Variants in DLC1 observed in about 807,000 individuals in gnomAD.
DLC1 encodes rho GTPase-activating protein 7.
DLC1 carries 54 observed loss-of-function variants against 140.3 expected under a neutral mutation model. The observed-to-expected ratio is 0.38, with a 90% CI of 0.31 to 0.48. The LOEUF (loss-of-function observed/expected upper bound fraction) is 0.48, where lower values mean the gene tolerates loss of function less well. Ranked by LOEUF, DLC1 falls within the 20% of genes least tolerant of loss-of-function variation. The pLI, the probability that DLC1 is intolerant of heterozygous loss-of-function variation, is 0.96. For missense variants in DLC1, 2,536 were observed against 1,907.0 expected, an observed-to-expected ratio of 1.33 and a Z score of -6.14; for synonymous variants, 986 against 728.1, an observed-to-expected ratio of 1.35 and a Z score of -5.70.
intron 1 of DLC1, among the ~76,000 whole-genome samples, chr8:13,553,089 G>A (rs1803918070): frequency 6.6e-6 from 1 of 150,534 alleles, no homozygotes; most frequent in African/African-American, 2.4e-5. Flanking sequence ...AACACACAGA[G>A]ACTGCAAACA....
intron 2 of DLC1, among the ~76,000 whole-genome samples, chr8:13,418,075 T>C (rs950296272): frequency 7.9e-5 from 12 of 152,200 alleles, no homozygotes; most frequent in African/African-American, 2.4e-4. Context: ...GTTTTTTTCT[T>C]GTAAATTTGT....
chr8:13,162,021 C>A (rs1013582484), intron 5 of DLC1, among the ~76,000 whole-genome samples: 1 of 152,248 alleles, frequency 6.6e-6, no homozygotes, highest in South Asian at 2.1e-4. Context: ...ATATTTCAAT[C>A]AACAGAATAA....
rs141898373 is a variant in DLC1 at position 13,281,990 on chromosome 8, G to C, written c.1348+23279C>G. Among the ~76,000 whole-genome samples the C allele has an allele frequency of 3.3e-3, 506 of 152,228 alleles. 4 individuals are homozygous for C. Among genetic ancestry groups the C allele is most frequent in the African/African-American group, 0.012 (487 of 41,550 alleles). ...TTTTGTTTTCTCATTTGCTAATGAG[G>C]ATATAGACTAGATCATTTATTCTGG... On this transcript the variant is annotated intron_variant, in intron 5 of 17. Coordinates refer to ENST00000276297, the MANE Select transcript of DLC1 (RefSeq NM_182643.3).
At chr8:13,424,084 T>C (rs72603958) in intron 2 of DLC1, among the ~76,000 whole-genome samples, 1 of 152,158 alleles carries the variant, frequency 6.6e-6, no homozygotes, top group Non-Finnish European at 1.5e-5. Context: ...TGTTTCCTTA[T>C]GCTATTGAAA....
At chr8:13,382,046 G>A (rs1333415601) in intron 4 of DLC1, among the ~76,000 whole-genome samples, 1 of 151,994 alleles carries the variant, frequency 6.6e-6, no homozygotes, top group Non-Finnish European at 1.5e-5. Context: ...TAAAGAAAGT[G>A]TTATTAGAAA....
chr8:13,368,547 GAAAA>G (rs899419016), intron 4 of DLC1, among the ~76,000 whole-genome samples: 1 of 147,802 alleles, frequency 6.8e-6, no homozygotes, highest in Non-Finnish European at 1.5e-5. Flanking sequence ...TTTCTGCATA[GAAAA>G]AAAAGTTCTT....
chr8:13,422,611 G>C (rs1838369596), intron 2 of DLC1, among the ~76,000 whole-genome samples: 1 of 152,090 alleles, frequency 6.6e-6, no homozygotes, highest in South Asian at 2.1e-4. Context: ...AGTTAATCTT[G>C]GAGCAAATTT....
At chr8:13,307,103 A>AG in intron 4 of DLC1, among the ~76,000 whole-genome samples, 1 of 151,632 alleles carries the variant, frequency 6.6e-6, no homozygotes, top group Middle Eastern at 3.4e-3. Context: ...AAAAAAAAAA[A>AG]AAAGGTAGAG....
chr8:13,586,626 C>CA (rs1805327799), intron 1 of DLC1, among the ~76,000 whole-genome samples: 3 of 144,584 alleles, frequency 2.1e-5, no homozygotes, highest in Admixed American at 1.4e-4. Flanking sequence ...CACACACACA[C>CA]CTGCATGTAA....
At chr8:13,341,563 T>A (rs550482424) in intron 4 of DLC1, 1 of 152,252 alleles carries the variant, frequency 6.6e-6, no homozygotes, top group South Asian at 2.1e-4. Flanking sequence ...CCTTTGAGAA[T>A]TCCCAGGTGG....
Position 13,180,821 on chromosome 8 carries a change from T to C in DLC1, c.1349-65164A>G, listed in dbSNP as rs556870859. Reference sequence around the variant, plus strand: ...ATATAACATCTAACTCCTTTAAATATTGAAAATAGAGAGTTGTCTCAAATA... The same window carrying C: ...ATATAACATCTAACTCCTTTAAATACTGAAAATAGAGAGTTGTCTCAAATA... On this transcript the variant is annotated intron_variant, in intron 5 of 17. Coordinates refer to ENST00000276297, the MANE Select transcript of DLC1 (RefSeq NM_182643.3). Among the ~76,000 whole-genome samples the C allele has an allele frequency of 7.9e-5, 12 of 152,330 alleles. No individual in the cohort carries two copies. In the South Asian group the frequency reaches 2.3e-3, roughly 29 times the overall value.
At chr8:13,425,703 T>C (rs892828358) in intron 2 of DLC1, among the ~76,000 whole-genome samples, 1 of 152,186 alleles carries the variant, frequency 6.6e-6, no homozygotes, top group African/African-American at 2.4e-5. Flanking sequence ...TCAAACTGAT[T>C]GTAGTTTAAT....
rs1817446956 is a variant in DLC1, at chr8:13,085,104, C to T, written c.*707G>A. The T allele has an allele frequency of 6.6e-6, 1 of 152,120 alleles. No individual in the cohort carries two copies. Among genetic ancestry groups the T allele is most frequent in the Non-Finnish European group, 1.5e-5 (1 of 68,044 alleles). The allele number at this position is 152,120 out of a possible 1,614,324, so 9.4% of individuals were successfully genotyped here. A position where few individuals can be genotyped will look rare whatever the true frequency, so the allele number is the denominator to read the frequency against. On this transcript the variant is annotated 3_prime_UTR_variant, in exon 18 of 18. Transcript: ENST00000276297. ...CTGCATTTGGAATGGGTGTAAGAGC[C>T]AACCTATTACAATCAAAGTACAGAA...
At chr8:13,357,686 C>A (rs1345481817) in intron 4 of DLC1, among the ~76,000 whole-genome samples, 1 of 152,136 alleles carries the variant, frequency 6.6e-6, no homozygotes, top group Non-Finnish European at 1.5e-5. Flanking sequence ...GAGTCAAATC[C>A]CAATTCTTTT....
At chr8:13,601,479 A>G (rs1490155947) in intron 1 of DLC1, among the ~76,000 whole-genome samples, 1 of 151,784 alleles carries the variant, frequency 6.6e-6, no homozygotes, top group African/African-American at 2.4e-5. Context: ...GATTTTTCAG[A>G]CTATGTGCCT....
intron 4 of DLC1, among the ~76,000 whole-genome samples, chr8:13,307,018 A>T (rs921544667): frequency 2.7e-5 from 4 of 147,262 alleles, no homozygotes; most frequent in African/African-American, 1.0e-4. Context: ...CGGGAGATAG[A>T]AGTTGCAGTG....
intron 2 of DLC1, among the ~76,000 whole-genome samples, chr8:13,435,156 G>T (rs76343999): frequency 0.029 from 4,368 of 152,200 alleles, 209 homozygotes; most frequent in African/African-American, 0.1. Flanking sequence ...AACATGAACA[G>T]GCATTTGGGA....
At chr8:13,543,640 A>T (rs1360329381) in intron 1 of DLC1, among the ~76,000 whole-genome samples, 1 of 152,216 alleles carries the variant, frequency 6.6e-6, no homozygotes, top group Non-Finnish European at 1.5e-5. Flanking sequence ...TTATATATAT[A>T]CCAGAGAATA....
chr8:13,451,572 G>A (rs554870352), intron 2 of DLC1, among the ~76,000 whole-genome samples: 1 of 151,994 alleles, frequency 6.6e-6, no homozygotes, highest in African/African-American at 2.4e-5. Context: ...CCATGAATTC[G>A]ATGGCTTTGA....
Sources: allele counts gnomAD v4.1 joint callset (sites outside exome capture counted in the v4.1 genomes callset), GRCh38; gene constraint gnomAD v4.1.1; transcripts MANE v1.5; gene names NCBI Gene and HGNC (gene_info 2026-07-23, HGNC 2026-07-21).